Variants in YPEL5 observed in about 807,000 individuals in gnomAD.
The protein encoded by YPEL5 is protein yippee-like 5.
In YPEL5, 1 loss-of-function variant was observed where a neutral mutation model predicts 10.5. That is an observed-to-expected ratio of 0.10 (90% confidence interval 0.03 to 0.45). YPEL5 has a LOEUF of 0.45. Among genes scored for constraint, YPEL5 ranks in the 20% least tolerant of loss-of-function variants. The probability of loss-of-function intolerance (pLI) is 0.97; values close to 1 mark genes in which losing one functional copy is unlikely to be tolerated. For missense variants in YPEL5, 68 were observed against 159.3 expected, an observed-to-expected ratio of 0.43 and a Z score of 3.09; for synonymous variants, 61 against 56.6, an observed-to-expected ratio of 1.08 and a Z score of -0.35.
chr2:30,157,428 C>G (rs1676091489), intron 2 of YPEL5, among the ~76,000 whole-genome samples: 1 of 152,202 alleles, frequency 6.6e-6, no homozygotes, highest in Admixed American at 6.5e-5. Context: ...ACTGGTTTAT[C>G]CATATAGGGA....
chr2:30,149,367 G>A (rs1213106394), intron 1 of YPEL5, among the ~76,000 whole-genome samples: 1 of 152,124 alleles, frequency 6.6e-6, no homozygotes, highest in Non-Finnish European at 1.5e-5. Flanking sequence ...AAAGTAAACT[G>A]GTCACGTACT....
In YPEL5 at chr2:30,159,236, CT is replaced by C. The variant is rs908920885; in HGVS notation, c.*403del. On this transcript the variant is annotated 3_prime_UTR_variant, in exon 3 of 3. Transcript: ENST00000261353. Reference sequence around the variant, plus strand: ...TTTTAAACTTGGGCTTCATTTTAAACTTTTTTTTTTAAACCCAGTTATTTCA... The same window carrying C: ...TTTTAAACTTGGGCTTCATTTTAAACTTTTTTTTTAAACCCAGTTATTTCA... 389 of 173,680 alleles carry C rather than the reference CT, an allele frequency of 2.2e-3. No individual in the cohort carries two copies. The highest frequency in any genetic ancestry group is 8.3e-3 in the South Asian group (66 of 7,996). 10.8% of individuals were successfully genotyped at this position (173,680 alleles called of 1,614,324 possible).
At chr2:30,147,594 C>T (rs1434625701) in intron 1 of YPEL5, 2 of 151,764 alleles carry the variant, frequency 1.3e-5, no homozygotes, top group Non-Finnish European at 2.9e-5. Flanking sequence ...CCGCGATGAC[C>T]GCACGGCGTG....
intron 2 of YPEL5, among the ~76,000 whole-genome samples, chr2:30,157,304 G>A (rs1676086652): frequency 6.6e-6 from 1 of 151,500 alleles, no homozygotes; most frequent in Non-Finnish European, 1.5e-5. Flanking sequence ...AAAGTATAAA[G>A]AAGTGTGATC....
At chr2:30,153,989 A>G (rs896497093) in intron 1 of YPEL5, among the ~76,000 whole-genome samples, 2 of 152,234 alleles carry the variant, frequency 1.3e-5, no homozygotes, top group African/African-American at 4.8e-5. Context: ...GCATAGGGAA[A>G]GTTCACTTTG....
chr2:30,153,123 G>A (rs918231687), intron 1 of YPEL5, among the ~76,000 whole-genome samples: 3 of 152,016 alleles, frequency 2.0e-5, no homozygotes, highest in African/African-American at 4.8e-5. Context: ...GGATGGTTTC[G>A]ATCTCCTGAC....
chr2:30,158,482 C>T lies in YPEL5; in HGVS notation c.142-137C>T, dbSNP rs1389378037. ...AGCAGCTTCTAATAAATAAGTCTTGCGTATTATAGGTTTGACTAAACTAAC... is the reference window on the plus strand; with the variant it reads ...AGCAGCTTCTAATAAATAAGTCTTGTGTATTATAGGTTTGACTAAACTAAC... On this transcript the variant is annotated intron_variant, in intron 2 of 2. Coordinates refer to ENST00000261353, the MANE Select transcript of YPEL5 (RefSeq NM_016061.3). The T allele has an allele frequency of 2.5e-5, 20 of 784,626 alleles. 1 individual carries two copies. Among genetic ancestry groups the T allele is most frequent in the East Asian group, 2.7e-5 (1 of 37,336 alleles). 48.6% of individuals were successfully genotyped at this position (784,626 alleles called of 1,614,324 possible).
chr2:30,154,269 T>G lies in YPEL5; in HGVS notation c.-24-2359T>G, dbSNP rs535800581. Among the ~76,000 whole-genome samples the G allele has an allele frequency of 6.1e-4, 93 of 152,366 alleles. 1 individual carries two copies. Among genetic ancestry groups the G allele is most frequent in the African/African-American group, 2.1e-3 (88 of 41,586 alleles). ...AACCTTGCTGTTGATTCCCTTCTGT[T>G]AATGATCAAGATTCAGAAACATGAC... On this transcript the variant is annotated intron_variant, in intron 1 of 2. Coordinates refer to ENST00000261353, the MANE Select transcript of YPEL5 (RefSeq NM_016061.3).
intron 1 of YPEL5, 117 bp from the exon 2 acceptor site, chr2:30,156,511 T>A: frequency 1.1e-6 from 1 of 928,310 alleles, no homozygotes; most frequent in Non-Finnish European, 1.6e-6. Context: ...ACACATCGAG[T>A]ACTACAAAGC....
At chr2:30,152,292 A>G (rs1675832617) in intron 1 of YPEL5, among the ~76,000 whole-genome samples, 1 of 152,176 alleles carries the variant, frequency 6.6e-6, no homozygotes, top group Non-Finnish European at 1.5e-5. Context: ...ATATTTTTGT[A>G]GCTCTATGTA....
chr2:30,158,676 A>G lies in YPEL5; in HGVS notation c.199A>G (p.Met67Val). The change falls in exon 3 of 3, where the codon ATG (methionine) becomes GTG (valine). Residue 67 changes from methionine (M) to valine (V), a missense_variant. Physicochemically the swap from Met to Val is conservative, Grantham distance 21 (BLOSUM62 1). This residue lies in a region of YPEL5 where 48 missense variants were observed against 138.4 expected (regional missense o/e 0.35). Coordinates refer to ENST00000261353, the MANE Select transcript of YPEL5 (RefSeq NM_016061.3). ...QDRVMLTGRH[M>V]VRDVSCKNCN... ...TCGGGTCATGCTCACTGGCCGCCAC[A>G]TGGTTCGAGATGTGAGCTGCAAAAA... 3 of 1,614,170 alleles carry G rather than the reference A, an allele frequency of 1.9e-6. No individual in the cohort carries two copies. Among genetic ancestry groups the G allele is most frequent in the Non-Finnish European group, 2.5e-6 (3 of 1,180,048 alleles).
intron 1 of YPEL5, among the ~76,000 whole-genome samples, chr2:30,150,547 A>G (rs1675735323): frequency 6.6e-6 from 1 of 152,210 alleles, no homozygotes; most frequent in South Asian, 2.1e-4. Context: ...GGTAGATATT[A>G]TCTATTTTTA....
rs2103525651 is a variant in YPEL5, at chr2:30,160,272, C to T, written c.*1429C>T. On this transcript the variant is annotated 3_prime_UTR_variant, in exon 3 of 3. Coordinates refer to ENST00000261353, the MANE Select transcript of YPEL5 (RefSeq NM_016061.3). Reference sequence around the variant, plus strand: ...CTGTCGTTGATATTAAAAGTGACTTCTGAGTACAGTTAAGTTCCTCCTATT... The same window carrying T: ...CTGTCGTTGATATTAAAAGTGACTTTTGAGTACAGTTAAGTTCCTCCTATT... 1 of 152,314 alleles carries T rather than the reference C, an allele frequency of 6.6e-6. No homozygotes were observed. The allele number at this position is 152,314 out of a possible 1,614,324, so 9.4% of individuals were successfully genotyped here.
chr2:30,158,640 G>A lies in YPEL5; in HGVS notation c.163G>A (p.Glu55Lys). The part of the protein sequence containing the change: ...FNKVVNLQYS[E>K]VQDRVMLTGR... The stretch of plus-strand genomic sequence containing the variant: ...TTAGGTAGTTAACCTGCAGTACAGT[G>A]AAGTTCAAGATCGGGTCATGCTCAC... The change falls in exon 3 of 3, where the codon GAA becomes AAA. Residue 55 changes from glutamate (E) to lysine (K), a missense_variant. Physicochemically the swap from Glu to Lys is moderately conservative, Grantham distance 56. Coordinates refer to ENST00000261353, the MANE Select transcript of YPEL5 (RefSeq NM_016061.3). The A allele has an allele frequency of 1.2e-6, 2 of 1,613,752 alleles. No homozygotes were observed. Among genetic ancestry groups the A allele is most frequent in the Middle Eastern group, 1.7e-4 (1 of 5,748 alleles).
intron 1 of YPEL5, among the ~76,000 whole-genome samples, chr2:30,151,473 A>G (rs1428984899): frequency 6.6e-6 from 1 of 152,228 alleles, no homozygotes; most frequent in East Asian, 1.9e-4. Flanking sequence ...AGTACGATCT[A>G]TGAAATTATC....
chr2:30,152,890 GTT>G (rs373848986), intron 1 of YPEL5, among the ~76,000 whole-genome samples: 60,129 of 122,704 alleles, frequency 0.49, 10,566 homozygotes, highest in Admixed American at 0.53. Flanking sequence ...ACTGTCCTTT[GTT>G]TTTTTTTTTT....
chr2:30,148,360 A>C (rs538211827), intron 1 of YPEL5: 7 of 152,328 alleles, frequency 4.6e-5, no homozygotes, highest in Admixed American at 1.3e-4. Flanking sequence ...GGTGGTGAAG[A>C]AACTGGGAGG....
intron 1 of YPEL5, among the ~76,000 whole-genome samples, chr2:30,151,298 CCT>C (rs1675779733): frequency 1.3e-5 from 2 of 150,710 alleles, no homozygotes; most frequent in African/African-American, 4.9e-5. Flanking sequence ...TTTTTTTTCC[CCT>C]CTTACAGATT....
intron 1 of YPEL5, among the ~76,000 whole-genome samples, chr2:30,152,890 G>GTTTTTTTTTTTT (rs373848986): frequency 2.4e-5 from 3 of 122,728 alleles, no homozygotes; most frequent in Non-Finnish European, 5.1e-5. Context: ...ACTGTCCTTT[G>GTTTTTTTTTTTT]TTTTTTTTTT....
Sources: gnomAD v4.1 joint callset for allele counts (sites outside exome capture counted in the v4.1 genomes callset) on GRCh38, gnomAD v4.1.1 for gene constraint, gnomAD v4.1.1 regional missense constraint, MANE v1.5 for transcripts, NCBI Gene and HGNC (gene_info 2026-07-23, HGNC 2026-07-21) for gene names.